The following CYFIP2 variants were observed in gnomAD, a reference collection of about 807,000 sequenced individuals.
CYFIP2 encodes the protein cytoplasmic FMR1 interacting protein 2.
Under a neutral mutation model 158.7 loss-of-function variants are expected in CYFIP2, and 29 were observed. The ratio of observed to expected loss-of-function variants is 0.18; its 90% CI spans 0.14 to 0.25. CYFIP2 has a LOEUF of 0.25. Ranked by LOEUF, CYFIP2 falls within the 10% of genes least tolerant of loss-of-function variation. The pLI is 1.00. For missense variants in CYFIP2, 852 were observed against 1,639.5 expected, an observed-to-expected ratio of 0.52 and a Z score of 8.29; for synonymous variants, 585 against 617.6, an observed-to-expected ratio of 0.95 and a Z score of 0.78.
Position 157,266,797 on chromosome 5 carries a change from C to T in CYFIP2, c.-24+602C>T, listed in dbSNP as rs981889473. 6.6e-6 allele frequency: 1 copy of T among 152,582 alleles called. No individual in the cohort carries two copies. The highest frequency in any genetic ancestry group is 1.5e-5 in the Non-Finnish European group (1 of 68,260). The allele number at this position is 152,582 out of a possible 1,614,324, so 9.5% of individuals were successfully genotyped here. A position where few individuals can be genotyped will look rare whatever the true frequency, so the allele number is the denominator to read the frequency against. On this transcript the variant is annotated intron_variant, in intron 1 of 30. Transcript: ENST00000620254. This position sits in a 1 kb window ranked among gnomAD's most constrained non-coding sequence, Gnocchi z 4.2. ...CCGCTTGGAAGCTTTCTGGCCTACA[C>T]TAGCATCGCTCACCAAGCTGGCTGC...
chr5:157,389,558 G>A, intron 29 of CYFIP2, 131 bp downstream of exon 29: 2 of 792,872 alleles, frequency 2.5e-6, no homozygotes, highest in Non-Finnish European at 3.9e-6. Flanking sequence ...ACTTTGTTGA[G>A]TGTGTTGAGC....
chr5:157,332,340 T>C (rs1761525939), intron 20 of CYFIP2, among the ~76,000 whole-genome samples: 1 of 152,244 alleles, frequency 6.6e-6, no homozygotes, highest in Non-Finnish European at 1.5e-5. Context: ...CATGTATGTA[T>C]TTTCTCTCTA....
At chr5:157,301,780 A>C (rs1438249738) in intron 6 of CYFIP2, among the ~76,000 whole-genome samples, 2 of 152,130 alleles carry the variant, frequency 1.3e-5, no homozygotes, top group Non-Finnish European at 2.9e-5. Context: ...AAATTAAAAC[A>C]AAAAAGAGGA....
At chr5:157,293,450 T>G (rs1757997283) in intron 3 of CYFIP2, among the ~76,000 whole-genome samples, 1 of 152,194 alleles carries the variant, frequency 6.6e-6, no homozygotes, top group South Asian at 2.1e-4. Context: ...TCACGCTCGT[T>G]TTTCATGCTG....
chr5:157,356,739 G>A (rs1003449291), intron 23 of CYFIP2, among the ~76,000 whole-genome samples: 18 of 152,148 alleles, frequency 1.2e-4, no homozygotes, highest in Admixed American at 8.5e-4. Flanking sequence ...AAGAGTACAC[G>A]CCTCCTAGCA....
rs70984468 is a variant in CYFIP2 at position 157,379,668 on chromosome 5, C to CAAAAAAAAAAAAAAA, written c.3040-2911_3040-2897dup. ...CAGGCAAGGGAGCAAGACCCTGTCT[C>CAAAAAAAAAAAAAAA]AAAAAAAAAAAAAAAAAAAAAAAAA... On this transcript the variant is annotated intron_variant, in intron 26 of 30. Transcript: ENST00000620254. Among the ~76,000 whole-genome samples the CAAAAAAAAAAAAAAA allele has an allele frequency of 2.9e-4, 21 of 73,636 alleles. 1 individual carries two copies. Among genetic ancestry groups the CAAAAAAAAAAAAAAA allele is most frequent in the African/African-American group, 1.0e-3 (20 of 19,302 alleles). 48.3% of individuals were successfully genotyped at this position (73,636 alleles called of 152,430 possible).
Position 157,369,591 on chromosome 5 carries a change from C to T in CYFIP2, c.3039+7993C>T, listed in dbSNP as rs149903832. ...TCATCCAAAGCCAGCTCAATTTTTG[C>T]TTATTTTGTGAGCCTTACCAGTAAC... On this transcript the variant is annotated intron_variant, in intron 26 of 30. Transcript: ENST00000620254. Among the ~76,000 whole-genome samples, 192 of 152,268 alleles carry T rather than the reference C, an allele frequency of 1.3e-3. 1 individual carries two copies. The highest frequency in any genetic ancestry group is 4.3e-3 in the African/African-American group (179 of 41,558).
At chr5:157,374,557 A>G (rs1237559412) in intron 26 of CYFIP2, among the ~76,000 whole-genome samples, 1 of 152,138 alleles carries the variant, frequency 6.6e-6, no homozygotes, top group East Asian at 1.9e-4. Flanking sequence ...AGACCCCTGG[A>G]AACTGCCCGT....
chr5:157,383,492 T>C (rs1221806588), intron 28 of CYFIP2, 133 bp downstream of exon 28: 2 of 738,150 alleles, frequency 2.7e-6, no homozygotes, highest in African/African-American at 3.5e-5. Flanking sequence ...ACCCAAAAAC[T>C]GGTTAATATT....
chr5:157,319,813 G>C lies in CYFIP2; in HGVS notation c.1408G>C (p.Val470Leu). The change falls in exon 14 of 31, where the codon GTC (valine) becomes CTC (leucine). Residue 470 changes from valine (V) to leucine (L), a missense_variant. Physicochemically the swap from Val to Leu is conservative, Grantham distance 32. Transcript: ENST00000620254. ...GGTGCTCATGGGCAGGATGGAGAGC[G>C]TCTTCAACCAGGCCATCAGGAACAC... ...LQVLMGRMESVFNQAIRNTIY... is the reference protein window; with the variant it reads ...LQVLMGRMESLFNQAIRNTIY... 6.2e-7 allele frequency: 1 copy of C among 1,614,140 alleles called. No homozygotes were observed. The highest frequency in any genetic ancestry group is 8.5e-7 in the Non-Finnish European group (1 of 1,179,956).
chr5:157,267,589 C>T lies in CYFIP2; in HGVS notation c.-24+1394C>T, dbSNP rs564579752. On this transcript the variant is annotated intron_variant, in intron 1 of 30. Transcript: ENST00000620254. Reference sequence around the variant, plus strand: ...CTGCCCTTCCCCCAGTCTCCAGTGTCAGAAATGGTTTTCAAGAAAGGAGCC... The same window carrying T: ...CTGCCCTTCCCCCAGTCTCCAGTGTTAGAAATGGTTTTCAAGAAAGGAGCC... 5.9e-5 allele frequency among the ~76,000 whole-genome samples: 9 copies of T among 152,318 alleles called. No individual in the cohort carries two copies. The South Asian group carries it at 1.9e-3, about 32-fold the overall frequency.
intron 19 of CYFIP2, 74 bp downstream of exon 19, chr5:157,328,123 A>G: frequency 7.1e-7 from 1 of 1,417,244 alleles, no homozygotes; most frequent in South Asian, 1.2e-5. Flanking sequence ...TCTGTTGTGA[A>G]ACCTCCCTTC....
chr5:157,300,015 CTGGCACATAGTAGA>C (rs1182165689), intron 5 of CYFIP2, among the ~76,000 whole-genome samples: 1 of 152,288 alleles, frequency 6.6e-6, no homozygotes, highest in East Asian at 1.9e-4. Flanking sequence ...AGAATGGTGC[CTGGCACATAGTAGA>C]TGGCTATTAA....
chr5:157,372,811 C>T (rs1049577585), intron 26 of CYFIP2, among the ~76,000 whole-genome samples: 3 of 152,162 alleles, frequency 2.0e-5, no homozygotes, highest in African/African-American at 7.2e-5. Context: ...GTGAGAGACC[C>T]TTAGAGAACA....
At chr5:157,268,060 G>A (rs1457749314) in intron 1 of CYFIP2, among the ~76,000 whole-genome samples, 3 of 152,256 alleles carry the variant, frequency 2.0e-5, no homozygotes, top group Admixed American at 6.5e-5. Context: ...AGGGTTCCTC[G>A]TTGGCATTGG....
intron 1 of CYFIP2, 30 bp from the exon 2 acceptor site, chr5:157,285,309 C>A: frequency 6.8e-7 from 1 of 1,469,522 alleles, no homozygotes; most frequent in Non-Finnish European, 9.3e-7. Flanking sequence ...CCCTGAAATT[C>A]TCCACTGACC....
intron 1 of CYFIP2, among the ~76,000 whole-genome samples, chr5:157,284,149 T>C (rs1191731853): frequency 6.6e-6 from 1 of 152,208 alleles, no homozygotes; most frequent in Non-Finnish European, 1.5e-5. Context: ...TATGTCTGCC[T>C]TTGTAACTCT....
At position 157,319,803 on chromosome 5, in the gene CYFIP2, G is replaced by A. The variant is rs1348559983; in HGVS notation, c.1398G>A (p.Arg466=). ...AAGGCCTGCAGGTGCTCATGGGCAG[G>A]ATGGAGAGCGTCTTCAACCAGGCCA... ...MIKGLQVLMG[R]MESVFNQAIR... The change falls in exon 14 of 31, where the codon AGG becomes AGA. Residue 466 remains arginine (R), a synonymous_variant. Coordinates refer to ENST00000620254, the MANE Select transcript of CYFIP2 (RefSeq NM_001037333.3). The A allele has an allele frequency of 1.2e-6, 2 of 1,614,146 alleles. No individual in the cohort carries two copies. The highest frequency in any genetic ancestry group is 1.7e-6 in the Non-Finnish European group (2 of 1,179,960).
Position 157,307,801 on chromosome 5 carries a change from G to A in CYFIP2, c.836G>A (p.Ser279Asn). 1.9e-6 allele frequency: 3 copies of A among 1,611,832 alleles called. No homozygotes were observed. Among genetic ancestry groups the A allele is most frequent in the Non-Finnish European group, 2.5e-6 (3 of 1,178,722 alleles). ...CTCTACCTAATGGATGGAAATGTCAGTAACATTTACAAACTGGATGCCAAG... is the reference window on the plus strand; with the variant it reads ...CTCTACCTAATGGATGGAAATGTCAATAACATTTACAAACTGGATGCCAAG... ...FGLYLMDGNVSNIYKLDAKKR... is the reference protein window; with the variant it reads ...FGLYLMDGNVNNIYKLDAKKR... The change falls in exon 9 of 31, where the codon AGT becomes AAT. Residue 279 changes from serine to asparagine, a missense_variant. Physicochemically the swap from Ser to Asn is conservative, Grantham distance 46 (BLOSUM62 1). Around this residue, in one of 8 missense-constraint regions of CYFIP2, gnomAD observed 133 missense variants for 197.1 expected, o/e 0.67. Transcript: ENST00000620254.
Sources: gnomAD v4.1 joint callset for allele counts (sites outside exome capture counted in the v4.1 genomes callset) on GRCh38, gnomAD v4.1.1 for gene constraint, gnomAD v4.1.1 regional missense constraint, Gnocchi (gnomAD v3.1) non-coding constraint, MANE v1.5 for transcripts, NCBI Gene and HGNC (gene_info 2026-07-23, HGNC 2026-07-21) for gene names.